Variants in PCDH9 observed in about 807,000 individuals in gnomAD.
PCDH9 encodes protocadherin 9, also known as protocadherin-9.
In PCDH9, 24 loss-of-function variants were observed where a neutral mutation model predicts 70.6. The ratio of observed to expected loss-of-function variants is 0.34; its 90% CI spans 0.25 to 0.48. PCDH9 has a LOEUF of 0.48. Ranked by LOEUF, PCDH9 falls within the 20% of genes least tolerant of loss-of-function variation. PCDH9 has a pLI of 0.99. For synonymous variants in PCDH9, 562 were observed against 558.5 expected, an observed-to-expected ratio of 1.01 and a Z score of -0.09; for missense variants, 1,281 against 1,503.6, an observed-to-expected ratio of 0.85 and a Z score of 2.45.
At chr13:66,587,732 G>C (rs1186561911) in intron 4 of PCDH9, among the ~76,000 whole-genome samples, 3 of 151,108 alleles carry the variant, frequency 2.0e-5, no homozygotes, top group African/African-American at 7.3e-5. Flanking sequence ...CTTCCTAAAT[G>C]ATCTTTTTTC....
intron 3 of PCDH9, among the ~76,000 whole-genome samples, chr13:66,773,796 T>C (rs1396917416): frequency 6.6e-6 from 1 of 151,550 alleles, no homozygotes; most frequent in Non-Finnish European, 1.5e-5. Context: ...TTTTTTTTTT[T>C]AGACGGAGCT....
At chr13:66,629,522 T>TA (rs2138929017) in intron 4 of PCDH9, among the ~76,000 whole-genome samples, 1 of 152,342 alleles carries the variant, frequency 6.6e-6, no homozygotes, top group Non-Finnish European at 1.5e-5. Flanking sequence ...CAGTGGTGCT[T>TA]ACACTGGTCA....
At chr13:66,525,653 T>C (rs1193631692) in intron 4 of PCDH9, among the ~76,000 whole-genome samples, 2 of 152,170 alleles carry the variant, frequency 1.3e-5, no homozygotes, top group African/African-American at 4.8e-5. Flanking sequence ...AACATTTGTC[T>C]ACATTGAATG....
intron 3 of PCDH9, among the ~76,000 whole-genome samples, chr13:66,887,359 C>T (rs1248686563): frequency 6.6e-6 from 1 of 151,830 alleles, no homozygotes; most frequent in Non-Finnish European, 1.5e-5. Flanking sequence ...GCATTAAAAA[C>T]GGAGACGTGC....
At chr13:66,737,626 C>G (rs569480463) in intron 3 of PCDH9, among the ~76,000 whole-genome samples, 30 of 152,296 alleles carry the variant, frequency 2.0e-4, no homozygotes, top group African/African-American at 7.0e-4. Context: ...TGGGCGCAGG[C>G]CAGTGGGTGC....
chr13:67,089,485 A>G (rs2086173842), intron 2 of PCDH9, among the ~76,000 whole-genome samples: 1 of 151,998 alleles, frequency 6.6e-6, no homozygotes, highest in Non-Finnish European at 1.5e-5. Context: ...ATTTTTCCAC[A>G]TATACCATAC....
chr13:67,030,888 T>C (rs1002066511), intron 2 of PCDH9, among the ~76,000 whole-genome samples: 1 of 152,180 alleles, frequency 6.6e-6, no homozygotes, highest in Non-Finnish European at 1.5e-5. Flanking sequence ...AGTTTGTTTA[T>C]TTAGTATTTT....
chr13:67,091,139 A>C (rs1287733462), intron 2 of PCDH9, among the ~76,000 whole-genome samples: 4 of 152,090 alleles, frequency 2.6e-5, no homozygotes, highest in Non-Finnish European at 5.9e-5. Context: ...TCCTCCAATG[A>C]CTTTGTAAAT....
At chr13:67,144,963 C>T (rs2087485444) in intron 2 of PCDH9, among the ~76,000 whole-genome samples, 1 of 152,112 alleles carries the variant, frequency 6.6e-6, no homozygotes, top group Non-Finnish European at 1.5e-5. Context: ...TTCCTGTATA[C>T]ATTAAACCAC....
chr13:67,169,200 G>A (rs751705150), intron 2 of PCDH9, among the ~76,000 whole-genome samples: 2 of 152,270 alleles, frequency 1.3e-5, no homozygotes, highest in Non-Finnish European at 1.5e-5. Context: ...CACTTGATAT[G>A]AAAACCAAGA....
chr13:66,803,981 A>C (rs2080369735), intron 3 of PCDH9, among the ~76,000 whole-genome samples: 1 of 152,178 alleles, frequency 6.6e-6, no homozygotes, highest in African/African-American at 2.4e-5. Context: ...GGGCTACTAG[A>C]ACAACTCAGC....
intron 4 of PCDH9, among the ~76,000 whole-genome samples, chr13:66,610,118 C>T (rs1440758360): frequency 6.6e-6 from 1 of 152,024 alleles, no homozygotes; most frequent in Non-Finnish European, 1.5e-5. Context: ...CATTTTTGAG[C>T]TCTTGTTATC....
chr13:67,083,953 C>A (rs372918076), intron 2 of PCDH9, among the ~76,000 whole-genome samples: 2 of 152,160 alleles, frequency 1.3e-5, no homozygotes, highest in African/African-American at 4.8e-5. Context: ...ATTTACCCCA[C>A]TAGTTTCTAG....
At chr13:66,459,951 G>A (rs921014375) in intron 4 of PCDH9, among the ~76,000 whole-genome samples, 1 of 151,858 alleles carries the variant, frequency 6.6e-6, no homozygotes, top group African/African-American at 2.4e-5. Flanking sequence ...CCAGTTTACA[G>A]CTCAATGTAT....
chr13:66,810,270 AT>A (rs900457396), intron 3 of PCDH9, among the ~76,000 whole-genome samples: 40 of 151,968 alleles, frequency 2.6e-4, no homozygotes, highest in African/African-American at 9.2e-4. Context: ...TAAATACAGA[AT>A]TTTTTTTAAT....
chr13:66,437,315 G>A (rs552401453), intron 4 of PCDH9, among the ~76,000 whole-genome samples: 184 of 146,160 alleles, frequency 1.3e-3, no homozygotes, highest in Non-Finnish European at 1.9e-3. Flanking sequence ...GCTGAGGCAG[G>A]AGAATGACGT....
intron 2 of PCDH9, among the ~76,000 whole-genome samples, chr13:67,098,750 T>C (rs1235958562): frequency 6.6e-6 from 1 of 150,860 alleles, no homozygotes; most frequent in East Asian, 1.9e-4. Flanking sequence ...TAAAAGACAA[T>C]AACTAATGCA....
intron 3 of PCDH9, among the ~76,000 whole-genome samples, chr13:66,635,806 A>G (rs1482264739): frequency 6.6e-6 from 1 of 152,168 alleles, no homozygotes; most frequent in African/African-American, 2.4e-5. Context: ...ATTTACAGAC[A>G]TTCCTATGTG....
At chr13:66,586,768 T>C (rs537052423) in intron 4 of PCDH9, among the ~76,000 whole-genome samples, 1 of 152,228 alleles carries the variant, frequency 6.6e-6, no homozygotes, top group South Asian at 2.1e-4. Flanking sequence ...TATTACACAA[T>C]ATGCTCATGA....
Sources: allele counts gnomAD v4.1 joint callset (sites outside exome capture counted in the v4.1 genomes callset), GRCh38; gene constraint gnomAD v4.1.1; transcripts MANE v1.5; gene names NCBI Gene and HGNC (gene_info 2026-07-23, HGNC 2026-07-21).